The following UBTD2 variants were observed in gnomAD, a reference collection of about 807,000 sequenced individuals.
The protein encoded by UBTD2 is ubiquitin domain-containing protein 2.
In UBTD2, 9 loss-of-function variants were observed where a neutral mutation model predicts 19.8. The observed-to-expected ratio is 0.46, with a 90% CI of 0.27 to 0.79. UBTD2 has a LOEUF of 0.79. Ranked by LOEUF, UBTD2 falls within the 30% of genes least tolerant of loss-of-function variation. The probability of loss-of-function intolerance (pLI) is 0.14; values close to 1 mark genes in which losing one functional copy is unlikely to be tolerated. For synonymous variants in UBTD2, 98 were observed against 103.9 expected (o/e 0.94, Z 0.35); for missense variants, 250 against 300.4 (o/e 0.83, Z 1.24).
Position 172,283,544 on chromosome 5 carries a change from G to A in UBTD2, c.70+52C>T. ...CCGCGGGGGTCGGGACAGGTGGCCG[G>A]GCCTGGCCGGGAACAATGGGGGGCC... On this transcript the variant is annotated intron_variant, in intron 1 of 2. Transcript: ENST00000393792. The surrounding 1 kb of genome is among the most constrained non-coding windows in gnomAD (Gnocchi z 4.3). 7.9e-7 allele frequency: 1 copy of A among 1,261,244 alleles called. No individual in the cohort carries two copies. The highest frequency in any genetic ancestry group is 1.0e-6 in the Non-Finnish European group (1 of 995,452). 78.1% of individuals were successfully genotyped at this position (1,261,244 alleles called of 1,614,324 possible).
At chr5:172,244,731 CT>C (rs1161680667) in intron 1 of UBTD2, among the ~76,000 whole-genome samples, 1 of 151,996 alleles carries the variant, frequency 6.6e-6, no homozygotes, top group African/African-American at 2.4e-5. Flanking sequence ...GTTTTGTATT[CT>C]TTTTTTCTTT....
chr5:172,276,907 T>A (rs1755614328), intron 1 of UBTD2, among the ~76,000 whole-genome samples: 1 of 151,588 alleles, frequency 6.6e-6, no homozygotes, highest in African/African-American at 2.4e-5. Flanking sequence ...CCGTCTCTAC[T>A]AAACATACAA....
chr5:172,238,758 T>C (rs967343307), intron 1 of UBTD2, among the ~76,000 whole-genome samples: 3 of 152,224 alleles, frequency 2.0e-5, no homozygotes, highest in African/African-American at 7.2e-5. Flanking sequence ...ATAATTGTTT[T>C]CCTGTTTTGG....
At chr5:172,214,188 T>C (rs1296968162) in intron 2 of UBTD2, among the ~76,000 whole-genome samples, 1 of 152,230 alleles carries the variant, frequency 6.6e-6, no homozygotes, top group Non-Finnish European at 1.5e-5. Context: ...AAAACCAAAA[T>C]GTCTACCAAA....
At chr5:172,271,380 G>A (rs900836089) in intron 1 of UBTD2, among the ~76,000 whole-genome samples, 14 of 147,394 alleles carry the variant, frequency 9.5e-5, no homozygotes, top group Non-Finnish European at 1.8e-4. Context: ...CGTGAGCCGA[G>A]ATCGCACCAC....
At chr5:172,265,288 A>G (rs781015862) in intron 1 of UBTD2, among the ~76,000 whole-genome samples, 1 of 152,260 alleles carries the variant, frequency 6.6e-6, no homozygotes, top group Non-Finnish European at 1.5e-5. Context: ...CCAGTCAGTA[A>G]TAAAATAATT....
At chr5:172,265,222 G>C (rs1343143455) in intron 1 of UBTD2, among the ~76,000 whole-genome samples, 1 of 152,208 alleles carries the variant, frequency 6.6e-6, no homozygotes, top group Non-Finnish European at 1.5e-5. Flanking sequence ...AAGAATCTGA[G>C]TTAATTACCA....
At chr5:172,233,072 C>A (rs1330572222) in intron 2 of UBTD2, among the ~76,000 whole-genome samples, 1 of 152,052 alleles carries the variant, frequency 6.6e-6, no homozygotes, top group Non-Finnish European at 1.5e-5. Flanking sequence ...CTGAGTGCAC[C>A]ACTGCACTCC....
chr5:172,213,874 C>A (rs1365450485), intron 2 of UBTD2, among the ~76,000 whole-genome samples: 1 of 152,186 alleles, frequency 6.6e-6, no homozygotes, highest in East Asian at 1.9e-4. Flanking sequence ...ACAACCTCCG[C>A]CTCCTGGGTC....
At chr5:172,213,532 G>C (rs927637986) in intron 2 of UBTD2, among the ~76,000 whole-genome samples, 3 of 152,210 alleles carry the variant, frequency 2.0e-5, no homozygotes, top group Non-Finnish European at 4.4e-5. Flanking sequence ...AGCTAGCTCA[G>C]GGAAGGGAAA....
chr5:172,283,761 G>A lies in UBTD2; in HGVS notation c.-96C>T, dbSNP rs1247488567. The A allele has an allele frequency of 6.8e-6, 6 of 878,670 alleles. No individual in the cohort carries two copies. Among genetic ancestry groups the A allele is most frequent in the African/African-American group, 3.6e-5 (2 of 55,508 alleles). The allele number at this position is 878,670 out of a possible 1,614,324, so 54.4% of individuals were successfully genotyped here. A position where few individuals can be genotyped will look rare whatever the true frequency, so the allele number is the denominator to read the frequency against. On this transcript the variant is annotated 5_prime_UTR_variant, in exon 1 of 3. Coordinates refer to ENST00000393792, the MANE Select transcript of UBTD2 (RefSeq NM_152277.3). The surrounding 1 kb of genome is among the most constrained non-coding windows in gnomAD (Gnocchi z 4.3). The stretch of plus-strand genomic sequence containing the variant: ...TCCTCCGGCGCCACCGCCGAGCTCC[G>A]GACAGGCGCGCCGCTCCGCTCGCCC...
intron 1 of UBTD2, among the ~76,000 whole-genome samples, chr5:172,250,155 G>A (rs1465996579): frequency 1.3e-5 from 2 of 152,004 alleles, no homozygotes; most frequent in Non-Finnish European, 1.5e-5. Context: ...CCTGGTAGGC[G>A]GAGGTTGCAG....
chr5:172,221,454 T>G (rs2113878395), intron 2 of UBTD2, among the ~76,000 whole-genome samples: 1 of 152,276 alleles, frequency 6.6e-6, no homozygotes, highest in Non-Finnish European at 1.5e-5. Flanking sequence ...GTGAGCTATG[T>G]CTGGGCCACC....
Position 172,211,724 on chromosome 5 carries a change from G to A in UBTD2, c.*106C>T. The A allele has an allele frequency of 1.6e-6, 2 of 1,233,740 alleles. No individual in the cohort carries two copies. The highest frequency in any genetic ancestry group is 2.2e-6 in the Non-Finnish European group (2 of 920,654). 76.4% of individuals were successfully genotyped at this position (1,233,740 alleles called of 1,614,324 possible). A position where few individuals can be genotyped will look rare whatever the true frequency, so the allele number is the denominator to read the frequency against. The stretch of plus-strand genomic sequence containing the variant: ...TTCCTCAGAACTAAATCCATTCATA[G>A]GGAATTTAGAGCAGTGAAATAGATT... On this transcript the variant is annotated 3_prime_UTR_variant, in exon 3 of 3. Transcript: ENST00000393792.
intron 2 of UBTD2, among the ~76,000 whole-genome samples, chr5:172,231,287 T>G (rs1293430402): frequency 6.6e-6 from 1 of 152,190 alleles, no homozygotes; most frequent in African/African-American, 2.4e-5. Flanking sequence ...AGGGCATCAG[T>G]GACAATATTA....
intron 1 of UBTD2, among the ~76,000 whole-genome samples, chr5:172,270,325 A>C (rs1755458839): frequency 6.6e-6 from 1 of 151,040 alleles, no homozygotes; most frequent in Non-Finnish European, 1.5e-5. Flanking sequence ...AAAGTTCTGA[A>C]ACTAGAAGTA....
At chr5:172,244,131 T>G (rs1462537551) in intron 1 of UBTD2, among the ~76,000 whole-genome samples, 1 of 152,052 alleles carries the variant, frequency 6.6e-6, no homozygotes, top group Non-Finnish European at 1.5e-5. Context: ...CATTCTACAG[T>G]CAGAATCCAA....
intron 1 of UBTD2, among the ~76,000 whole-genome samples, chr5:172,261,785 C>T (rs1454963747): frequency 7.9e-5 from 12 of 152,114 alleles, no homozygotes; most frequent in African/African-American, 2.9e-4. Context: ...CCTCCACATC[C>T]AGCTAATTTC....
chr5:172,262,728 T>C (rs1261836828), intron 1 of UBTD2, among the ~76,000 whole-genome samples: 1 of 150,622 alleles, frequency 6.6e-6, no homozygotes, highest in Non-Finnish European at 1.5e-5. Context: ...GGTAGGAGAG[T>C]CGCTTGAACC....
Sources: allele counts gnomAD v4.1 joint callset (sites outside exome capture counted in the v4.1 genomes callset), GRCh38; gene constraint gnomAD v4.1.1; non-coding constraint Gnocchi (gnomAD v3.1); transcripts MANE v1.5; gene names NCBI Gene and HGNC (gene_info 2026-07-23, HGNC 2026-07-21).